Variants in INVS observed in about 807,000 individuals in gnomAD.
The protein encoded by INVS is inversion of embryo turning homolog.
INVS carries 86 observed loss-of-function variants against 108.8 expected under a neutral mutation model. The ratio of observed to expected loss-of-function variants is 0.79; its 90% CI spans 0.66 to 0.95. INVS has a LOEUF of 0.95. Ranked by LOEUF, INVS falls within the 40% of genes least tolerant of loss-of-function variation. The probability of loss-of-function intolerance (pLI) is 0.00; values close to 1 mark genes in which losing one functional copy is unlikely to be tolerated. For missense variants in INVS, 1,169 were observed against 1,297.4 expected, an observed-to-expected ratio of 0.90 and a Z score of 1.52; for synonymous variants, 455 against 473.5, an observed-to-expected ratio of 0.96 and a Z score of 0.51.
intron 12 of INVS, among the ~76,000 whole-genome samples, chr9:100,280,426 TACAA>T (rs1182921467): frequency 6.6e-6 from 1 of 152,052 alleles, no homozygotes; most frequent in Non-Finnish European, 1.5e-5. Flanking sequence ...AAAGAGACAG[TACAA>T]ACCAGACTAA....
At position 100,246,765 on chromosome 9, in the gene INVS, G is replaced by C. The variant is rs752714293; in HGVS notation, c.1056G>C (p.Met352Ile). 4.1e-5 allele frequency: 66 copies of C among 1,613,928 alleles called. No individual in the cohort carries two copies. The highest frequency in any genetic ancestry group is 3.8e-5 in the Non-Finnish European group (45 of 1,179,946). Residue 352 changes from methionine to isoleucine, a missense_variant, in exon 8 of 17, where the codon ATG (methionine) becomes ATC (isoleucine). By Grantham distance (10) the Met-to-Ile change is conservative. Coordinates refer to ENST00000262457, the MANE Select transcript of INVS (RefSeq NM_014425.5). ...LSLKSDIDIN[M>I]ADKYGGTALH... ...TAAAATCGGACATAGATATTAACAT[G>C]GCTGACAAATATGGAGGTACAGGTG...
At chr9:100,234,244 A>G (rs978955487) in intron 5 of INVS, among the ~76,000 whole-genome samples, 4 of 151,908 alleles carry the variant, frequency 2.6e-5, no homozygotes, top group African/African-American at 9.7e-5. Flanking sequence ...TATTGTGTCT[A>G]TTTAATTCTC....
At chr9:100,275,023 A>G (rs1046116753) in intron 12 of INVS, among the ~76,000 whole-genome samples, 3 of 152,188 alleles carry the variant, frequency 2.0e-5, no homozygotes, top group Admixed American at 2.0e-4. Context: ...AGCCTTCAGT[A>G]AATAGAGAAA....
chr9:100,261,574 A>T (rs1216757015), intron 10 of INVS, among the ~76,000 whole-genome samples: 1 of 152,100 alleles, frequency 6.6e-6, no homozygotes, highest in Non-Finnish European at 1.5e-5. Context: ...GGAGGAATGC[A>T]TCTTTTATAA....
Position 100,284,512 on chromosome 9 carries a change from A to G in INVS, c.1977A>G (p.Arg659=). 6.2e-7 allele frequency: 1 copy of G among 1,614,118 alleles called. No homozygotes were observed. The stretch of plus-strand genomic sequence containing the variant: ...AAGGCCCTGAGCCAAGAGACAGCAG[A>G]GGATCTCCAGGAGGGTCTCTAGGCG... ...VAQGPEPRDS[R]GSPGGSLGGA... Residue 659 remains arginine, a synonymous_variant, in exon 13 of 17, where the codon AGA becomes AGG. Transcript: ENST00000262457.
intron 7 of INVS, 45 bp from the exon 8 acceptor site, chr9:100,246,571 A>T: frequency 7.1e-7 from 1 of 1,411,082 alleles, no homozygotes. Flanking sequence ...ACCACAGAAA[A>T]TACTACTGTT....
At chr9:100,219,559 T>A (rs1831083612) in intron 3 of INVS, among the ~76,000 whole-genome samples, 1 of 152,218 alleles carries the variant, frequency 6.6e-6, no homozygotes, top group African/African-American at 2.4e-5. Flanking sequence ...GTTATGAATG[T>A]TAACTTGGAG....
intron 11 of INVS, among the ~76,000 whole-genome samples, chr9:100,272,281 T>C (rs1385091698): frequency 6.6e-6 from 1 of 152,222 alleles, no homozygotes; most frequent in African/African-American, 2.4e-5. Context: ...AATATTTAGA[T>C]CTTTGCTCTA....
intron 6 of INVS, among the ~76,000 whole-genome samples, chr9:100,242,106 G>A (rs1229705037): frequency 6.6e-6 from 1 of 152,146 alleles, no homozygotes; most frequent in East Asian, 1.9e-4. Context: ...GGAAGCCTCA[G>A]AGATAGAAGA....
intron 10 of INVS, among the ~76,000 whole-genome samples, chr9:100,264,602 G>C (rs1454392353): frequency 7.0e-6 from 1 of 142,150 alleles, no homozygotes; most frequent in Non-Finnish European, 1.5e-5. Flanking sequence ...TGAGCGACGA[G>C]AGCGAAACTC....
intron 3 of INVS, among the ~76,000 whole-genome samples, chr9:100,187,407 A>T (rs866732894): frequency 6.6e-6 from 1 of 152,006 alleles, no homozygotes; most frequent in South Asian, 2.1e-4. Context: ...TGGTATTTTT[A>T]TCAGAATTAC....
chr9:100,145,069 G>A (rs960845948), intron 3 of INVS, among the ~76,000 whole-genome samples: 1 of 152,118 alleles, frequency 6.6e-6, no homozygotes, highest in Non-Finnish European at 1.5e-5. Context: ...AAGCGGCATT[G>A]TAGAAGAAAA....
chr9:100,246,832 A>G (rs889335985), intron 8 of INVS, 45 bp downstream of exon 8: 1 of 1,532,378 alleles, frequency 6.5e-7, no homozygotes, highest in Non-Finnish European at 9.0e-7. Context: ...TTTAGGTTCC[A>G]AAGTGTAGAT....
At chr9:100,118,895 A>C (rs1202643480) in intron 2 of INVS, among the ~76,000 whole-genome samples, 1 of 152,116 alleles carries the variant, frequency 6.6e-6, no homozygotes, top group African/African-American at 2.4e-5. Context: ...TCCTGACCTC[A>C]GGTGATCCAC....
intron 3 of INVS, among the ~76,000 whole-genome samples, chr9:100,176,930 C>T (rs1829731583): frequency 6.6e-6 from 1 of 151,586 alleles, no homozygotes; most frequent in Non-Finnish European, 1.5e-5. Context: ...TTTGCTACAT[C>T]ACAATGACAT....
rs765072764 is a variant in INVS, at chr9:100,284,450, G to T, written c.1915G>T (p.Ala639Ser). 6.2e-7 allele frequency: 1 copy of T among 1,614,136 alleles called. No homozygotes were observed. The highest frequency in any genetic ancestry group is 1.1e-5 in the South Asian group (1 of 91,084). Residue 639 changes from alanine to serine, a missense_variant, in exon 13 of 17, where the codon GCC (alanine) becomes TCC (serine). By Grantham distance (99) the Ala-to-Ser change is moderately conservative. Around this residue, in one of 3 missense-constraint regions of INVS, gnomAD observed 533 missense variants for 536.0 expected, o/e 0.99. Coordinates refer to ENST00000262457, the MANE Select transcript of INVS (RefSeq NM_014425.5). ...GGATGTGCCCAGCAGGCAGAGCCGG[G>T]CCCCCAGCAAGCAGCCTCCTGCTGG... ...TQDVPSRQSR[A>S]PSKQPPAGNV...
At chr9:100,266,470 C>G (rs950134994) in intron 11 of INVS, among the ~76,000 whole-genome samples, 8 of 152,126 alleles carry the variant, frequency 5.3e-5, no homozygotes, top group Admixed American at 2.0e-4. Context: ...AGGGTAACTT[C>G]CCAACTTTGC....
At position 100,187,039 on chromosome 9, in the gene INVS, G is replaced by T. The variant is rs180771585; in HGVS notation, c.274-39023G>T. Among the ~76,000 whole-genome samples, 38 of 152,116 alleles carry T rather than the reference G, an allele frequency of 2.5e-4. No individual in the cohort carries two copies. The East Asian group carries it at 7.1e-3, about 29-fold the overall frequency. Reference sequence around the variant, plus strand: ...CATCTTGAGTTGATTTTTGTATATGGTGAGAGATAGGGATCCAGTTTCTTT... The same window carrying T: ...CATCTTGAGTTGATTTTTGTATATGTTGAGAGATAGGGATCCAGTTTCTTT... On this transcript the variant is annotated intron_variant, in intron 3 of 16. Transcript: ENST00000262457.
chr9:100,181,519 C>G (rs960917185), intron 3 of INVS, among the ~76,000 whole-genome samples: 1 of 152,006 alleles, frequency 6.6e-6, no homozygotes, highest in African/African-American at 2.4e-5. Flanking sequence ...TTCACAATTG[C>G]TACAAAGAGA....
Sources: allele counts gnomAD v4.1 joint callset (sites outside exome capture counted in the v4.1 genomes callset), GRCh38; gene constraint gnomAD v4.1.1; regional missense constraint gnomAD v4.1.1; transcripts MANE v1.5; gene names NCBI Gene and HGNC (gene_info 2026-07-23, HGNC 2026-07-21).